The following RBFOX1 variants were observed in gnomAD, a reference collection of about 807,000 sequenced individuals.
RBFOX1 encodes RNA binding fox-1 homolog 1, also known as RNA binding protein fox-1 homolog 1.
Under a neutral mutation model 57.7 loss-of-function variants are expected in RBFOX1, and 8 were observed. The ratio of observed to expected loss-of-function variants is 0.14; its 90% CI spans 0.08 to 0.25. The LOEUF is 0.25. Ranked by LOEUF, RBFOX1 falls within the 10% of genes least tolerant of loss-of-function variation. RBFOX1 has a pLI of 1.00. For synonymous variants in RBFOX1, 326 were observed against 222.4 expected (o/e 1.47, Z -4.15); for missense variants, 611 against 548.5 (o/e 1.11, Z -1.14).
chr16:6,743,076 C>A (rs12925878), intron 3 of RBFOX1, among the ~76,000 whole-genome samples: 21,156 of 152,136 alleles, frequency 0.14, 1,553 homozygotes, highest in Middle Eastern at 0.19. Context: ...TCTGTAGTGT[C>A]TTTACAACTG....
intron 2 of RBFOX1, among the ~76,000 whole-genome samples, chr16:5,536,263 T>G (rs1464349389): frequency 7.1e-6 from 1 of 141,516 alleles, no homozygotes; most frequent in Non-Finnish European, 1.5e-5. Flanking sequence ...TTAGATGGAG[T>G]CTTGCTTGTC....
intron 2 of RBFOX1, among the ~76,000 whole-genome samples, chr16:6,369,495 T>C (rs2090130311): frequency 6.6e-6 from 1 of 152,212 alleles, no homozygotes. Flanking sequence ...GAATGGTTAA[T>C]TTTGGTGAAA....
chr16:7,504,741 A>ATATATATATATATATATATATTTT (rs2072391404), intron 4 of RBFOX1, among the ~76,000 whole-genome samples: 11 of 10,276 alleles, frequency 1.1e-3, no homozygotes, highest in Admixed American at 3.7e-3. Flanking sequence ...ATATATATAT[A>ATATATATATATATATATATATTTT]TATATATATA....
At chr16:6,930,544 G>A (rs1394330345) in intron 3 of RBFOX1, among the ~76,000 whole-genome samples, 1 of 151,972 alleles carries the variant, frequency 6.6e-6, no homozygotes, top group Admixed American at 6.6e-5. Context: ...CAAGCAGTTG[G>A]GATTACAGGT....
intron 4 of RBFOX1, among the ~76,000 whole-genome samples, chr16:7,329,178 C>T (rs1308273613): frequency 6.6e-6 from 1 of 152,300 alleles, no homozygotes; most frequent in Admixed American, 6.5e-5. Flanking sequence ...TACAGAAAAA[C>T]ATTTACCATT....
rs1236441727 is a variant in RBFOX1, at chr16:6,950,645, C to G, written c.-15-101412C>G. 2.0e-5 allele frequency among the ~76,000 whole-genome samples: 3 copies of G among 152,030 alleles called. No homozygotes were observed. In the East Asian group the frequency reaches 5.8e-4, roughly 29 times the overall value. ...TGCCTTATGTAGAAGCTCTAAATCT[C>G]TCTCAAGGATGCAGAAAGAGGTGAG... is the stretch of plus-strand genomic sequence containing the variant. On this transcript the variant is annotated intron_variant, in intron 3 of 15. Coordinates refer to ENST00000550418, the MANE Select transcript of RBFOX1 (RefSeq NM_018723.4).
At chr16:5,429,622 G>C (rs768743794) in intron 1 of RBFOX1, among the ~76,000 whole-genome samples, 6 of 152,198 alleles carry the variant, frequency 3.9e-5, no homozygotes, top group African/African-American at 7.2e-5. Context: ...GTTCAGCTCT[G>C]AGTCTACCAG....
intron 3 of RBFOX1, among the ~76,000 whole-genome samples, chr16:6,986,184 T>TTTCATTTA (rs752491485): frequency 1.4e-5 from 2 of 144,222 alleles, no homozygotes; most frequent in Admixed American, 6.9e-5. Flanking sequence ...CAATTTCTAT[T>TTTCATTTA]TTTATTTATT....
At chr16:6,307,038 C>A (rs1285350933) in intron 1 of RBFOX1, among the ~76,000 whole-genome samples, 3 of 152,164 alleles carry the variant, frequency 2.0e-5, no homozygotes, top group Non-Finnish European at 4.4e-5. Context: ...AAAGGAGAGG[C>A]AGACTAAACA....
intron 10 of RBFOX1, among the ~76,000 whole-genome samples, chr16:7,608,439 C>T (rs1658707310): frequency 6.6e-6 from 1 of 152,206 alleles, no homozygotes; most frequent in African/African-American, 2.4e-5. Context: ...AGTTGTTCTT[C>T]ATGTATGAGT....
chr16:5,583,071 A>G (rs548836177), intron 2 of RBFOX1, among the ~76,000 whole-genome samples: 1 of 152,370 alleles, frequency 6.6e-6, no homozygotes, highest in Admixed American at 6.5e-5. Context: ...TCACACAGCT[A>G]GGGAGAGGTT....
At chr16:7,448,930 T>TTTTTG (rs2098829673) in intron 4 of RBFOX1, among the ~76,000 whole-genome samples, 3 of 138,784 alleles carry the variant, frequency 2.2e-5, no homozygotes, top group Non-Finnish European at 4.7e-5. Context: ...TTCCCCTGTT[T>TTTTTG]TTTTTTTTTT....
chr16:5,416,062 G>A (rs755261106), intron 1 of RBFOX1, among the ~76,000 whole-genome samples: 3 of 152,184 alleles, frequency 2.0e-5, no homozygotes, highest in African/African-American at 4.8e-5. Context: ...GCTAAGGAAC[G>A]GGGCTGAAAT....
intron 4 of RBFOX1, among the ~76,000 whole-genome samples, chr16:7,210,565 C>G (rs1411931384): frequency 1.3e-5 from 2 of 152,130 alleles, no homozygotes; most frequent in Admixed American, 6.5e-5. Context: ...ATACTGTATT[C>G]TAACCAGGTT....
rs1192206559 is a variant in RBFOX1, at chr16:5,581,067, T to C, written c.259-17835T>C. On this transcript the variant is annotated intron_variant, in intron 2 of 2. Transcript: ENST00000585867. The stretch of plus-strand genomic sequence containing the variant: ...ATGAACCGGAAAGCGTTGTCTGTCT[T>C]CTTAGGTAAATGCAAATATCCACGT... Among the ~76,000 whole-genome samples, 3 of 152,178 alleles carry C rather than the reference T, an allele frequency of 2.0e-5. No homozygotes were observed. In the East Asian group the frequency reaches 5.8e-4, roughly 29 times the overall value.
intron 3 of RBFOX1, among the ~76,000 whole-genome samples, chr16:6,766,785 G>T (rs1311413765): frequency 6.6e-6 from 1 of 151,998 alleles, no homozygotes; most frequent in Non-Finnish European, 1.5e-5. Flanking sequence ...GTCTTCATAT[G>T]GGCTTCCGTT....
chr16:5,961,757 G>A (rs1485718323), intron 4 of RBFOX1, among the ~76,000 whole-genome samples: 1 of 152,084 alleles, frequency 6.6e-6, no homozygotes, highest in African/African-American at 2.4e-5. Flanking sequence ...CAAACTCCCG[G>A]CCTCAAGCAG....
Position 5,388,611 on chromosome 16 carries a change from C to G in RBFOX1, c.220-78605C>G, listed in dbSNP as rs527738552. Among the ~76,000 whole-genome samples, 4 of 152,148 alleles carry G rather than the reference C, an allele frequency of 2.6e-5. No homozygotes were observed. In the South Asian group the frequency reaches 8.3e-4, roughly 32 times the overall value. ...ATATTTACTGAGACAGAGTCTCGCT[C>G]TGTCACCCAGGCTAGAGTGGCGTGG... On this transcript the variant is annotated intron_variant, in intron 1 of 2. Coordinates refer to the RBFOX1 transcript ENST00000585867.
intron 2 of RBFOX1, among the ~76,000 whole-genome samples, chr16:6,389,199 C>G (rs1567174693): frequency 6.6e-6 from 1 of 152,152 alleles, no homozygotes; most frequent in Non-Finnish European, 1.5e-5. Context: ...GGGAGAATTT[C>G]TTTTCTCCTT....
Sources: allele counts gnomAD v4.1 joint callset (sites outside exome capture counted in the v4.1 genomes callset), GRCh38; gene constraint gnomAD v4.1.1; transcripts MANE v1.5; gene names NCBI Gene and HGNC (gene_info 2026-07-23, HGNC 2026-07-21).